The following TRIOBP variants were observed in gnomAD, a reference collection of about 807,000 sequenced individuals.
The protein encoded by TRIOBP is TRIO and F-actin-binding protein.
In TRIOBP, 169 loss-of-function variants were observed where a neutral mutation model predicts 238.8. The ratio of observed to expected loss-of-function variants is 0.71; its 90% CI spans 0.62 to 0.80. The LOEUF (loss-of-function observed/expected upper bound fraction) is 0.80, where lower values mean the gene tolerates loss of function less well. TRIOBP is among the 30% of genes least tolerant of loss of function. The pLI, the probability that TRIOBP is intolerant of heterozygous loss-of-function variation, is 0.00. For missense variants in TRIOBP, 2,838 were observed against 3,122.6 expected (o/e 0.91, Z 2.17); for synonymous variants, 1,150 against 1,274.4 (o/e 0.90, Z 2.08).
chr22:37,729,697 G>A (rs575960199), intron 7 of TRIOBP, among the ~76,000 whole-genome samples: 125 of 152,110 alleles, frequency 8.2e-4, no homozygotes, highest in African/African-American at 2.8e-3. Context: ...GTTTTTACAC[G>A]ATCACTCCTA....
At chr22:37,719,004 G>T (rs9610838) in intron 6 of TRIOBP, among the ~76,000 whole-genome samples, 120,820 of 150,104 alleles carry the variant, frequency 0.8, 50,833 homozygotes, top group East Asian at 1. Context: ...CTGCCACCAC[G>T]CCCAGCTGAC....
chr22:37,738,520 C>T, intron 9 of TRIOBP, 122 bp from the exon 10 acceptor site: 1 of 899,592 alleles, frequency 1.1e-6, no homozygotes, highest in Non-Finnish European at 1.8e-6. Flanking sequence ...CATGGATCTA[C>T]TGATGCTGGA....
At chr22:37,713,555 G>A (rs899196987) in intron 5 of TRIOBP, 144 bp downstream of exon 5, 22 of 1,046,464 alleles carry the variant, frequency 2.1e-5, no homozygotes, top group South Asian at 5.3e-5. Flanking sequence ...CTGGCAGCTC[G>A]GGCCACCCCG....
chr22:37,720,055 G>T (rs1923750660), intron 6 of TRIOBP, among the ~76,000 whole-genome samples: 1 of 121,010 alleles, frequency 8.3e-6, no homozygotes, highest in Admixed American at 1.1e-4. Context: ...TGTTGCCCAG[G>T]CTGGAGTACA....
At chr22:37,706,161 A>G (rs145772004) in intron 3 of TRIOBP, among the ~76,000 whole-genome samples, 1 of 152,010 alleles carries the variant, frequency 6.6e-6, no homozygotes, top group Non-Finnish European at 1.5e-5. Context: ...CAGGCAGGGT[A>G]CTTGGGTTGG....
chr22:37,770,095 A>G (rs921696990), intron 21 of TRIOBP, among the ~76,000 whole-genome samples: 4 of 147,480 alleles, frequency 2.7e-5, no homozygotes, highest in Admixed American at 2.7e-4. Flanking sequence ...CCCAGGCTAC[A>G]GTGCAGTGGC....
At chr22:37,734,007 G>A (rs1467834955) in intron 8 of TRIOBP, among the ~76,000 whole-genome samples, 1 of 152,232 alleles carries the variant, frequency 6.6e-6, no homozygotes, top group Admixed American at 6.5e-5. Context: ...AAGCCTTGAA[G>A]CAAGAATCTG....
chr22:37,746,078 C>T (rs1925230296), intron 11 of TRIOBP: 2 of 670,924 alleles, frequency 3.0e-6, no homozygotes, highest in Non-Finnish European at 3.7e-6. Flanking sequence ...CCCCGCCGCC[C>T]TAGCGCGCCC....
At chr22:37,718,119 A>G (rs2145826957) in intron 6 of TRIOBP, among the ~76,000 whole-genome samples, 1 of 152,240 alleles carries the variant, frequency 6.6e-6, no homozygotes, top group Non-Finnish European at 1.5e-5. Context: ...CGGCAGGGCC[A>G]GCCGGCCGCT....
chr22:37,729,583 GTTAA>G (rs1307802798), intron 7 of TRIOBP, among the ~76,000 whole-genome samples: 2 of 152,134 alleles, frequency 1.3e-5, no homozygotes, highest in Non-Finnish European at 2.9e-5. Context: ...TTAAGCCAAA[GTTAA>G]TTAATTTTCT....
rs1001245751 is a variant in TRIOBP, at chr22:37,746,196, G to C, written c.5322+5164G>C. The C allele has an allele frequency of 4.9e-6, 5 of 1,029,482 alleles. No homozygotes were observed. In the East Asian group the frequency reaches 2.3e-4, roughly 47 times the overall value. The allele number at this position is 1,029,482 out of a possible 1,614,324, so 63.8% of individuals were successfully genotyped here. ...TTCCCCGCCACCCATTGGCCCGCTC[G>C]GGTCCTCCCAGGAAGTTTGAAAAAA... On this transcript the variant is annotated intron_variant, in intron 11 of 23. Transcript: ENST00000644935.
intron 5 of TRIOBP, among the ~76,000 whole-genome samples, chr22:37,714,467 G>A (rs1023952703): frequency 3.3e-5 from 5 of 152,160 alleles, no homozygotes; most frequent in Admixed American, 6.6e-5. Flanking sequence ...TCAGGAGATC[G>A]AGACCAGCCT....
intron 17 of TRIOBP, chr22:37,759,637 CTGAACACAGGGAA>C (rs1295417994): frequency 2.0e-6 from 3 of 1,535,322 alleles, no homozygotes; most frequent in Non-Finnish European, 2.6e-6. Flanking sequence ...GAGTCACTCC[CTGAACACAGGGAA>C]ATCCTGCCGA....
intron 11 of TRIOBP, 68 bp from the exon 12 acceptor site, chr22:37,751,704 G>A (rs1056859744): frequency 3.2e-6 from 5 of 1,564,312 alleles, no homozygotes; most frequent in African/African-American, 2.7e-5. Flanking sequence ...GGTGCAGCAC[G>A]CTCCCCTCAC....
chr22:37,738,667 C>G lies in TRIOBP; in HGVS notation c.5132C>G (p.Ser1711Ter). 6.2e-7 allele frequency: 1 copy of G among 1,613,820 alleles called. No individual in the cohort carries two copies. The highest frequency in any genetic ancestry group is 8.5e-7 in the Non-Finnish European group (1 of 1,179,944). Residue 1711 changes from serine (S) to a stop codon, truncating the protein, a stop_gained, in exon 10 of 24, where the codon TCA becomes TGA. Coordinates refer to ENST00000644935, the MANE Select transcript of TRIOBP (RefSeq NM_001039141.3). LOFTEE classifies it high-confidence loss of function. The stretch of plus-strand genomic sequence containing the variant: ...TTCCAACCAGAGGAGCCTGAGGAGT[C>G]AGAACCAAGCAGAGGCCAAGACCCC... ...LQFQPEEPEE[S>*]EPSRGQDPLT...
chr22:37,740,887 T>A lies in TRIOBP; in HGVS notation c.5185-8T>A. 6.4e-7 allele frequency: 1 copy of A among 1,569,210 alleles called. No individual in the cohort carries two copies. The highest frequency in any genetic ancestry group is 1.3e-5 in the African/African-American group (1 of 74,500). The stretch of plus-strand genomic sequence containing the variant: ...GACCTGGGGCCAACACTGGACCCTG[T>A]TTGACAGGCAGACAAGAGGCCAGCA... On this transcript the variant is annotated splice_region_variant and splice_polypyrimidine_tract_variant and intron_variant, in intron 10 of 23. Transcript: ENST00000644935.
chr22:37,772,723 C>G lies in TRIOBP; in HGVS notation c.7059C>G (p.Leu2353=), dbSNP rs762102498. The G allele has an allele frequency of 1.6e-5, 26 of 1,614,038 alleles. No individual in the cohort carries two copies. Among genetic ancestry groups the G allele is most frequent in the Middle Eastern group, 3.3e-4 (2 of 6,062 alleles). ...KEHLRLAMAA[L]QEKESMRNSL... ...ACCTGCGTCTTGCCATGGCCGCCCTCCAGGAGAAGGAGTCGATGCGCAACA... is the reference window on the plus strand; with the variant it reads ...ACCTGCGTCTTGCCATGGCCGCCCTGCAGGAGAAGGAGTCGATGCGCAACA... The change falls in exon 23 of 24, where the codon CTC becomes CTG. Residue 2353 remains leucine, a synonymous_variant. Transcript: ENST00000644935.
chr22:37,738,129 T>C (rs4821702), intron 9 of TRIOBP, among the ~76,000 whole-genome samples: 146,555 of 152,328 alleles, frequency 0.96, 70,526 homozygotes, highest in East Asian at 1. Context: ...AATGTGTGAA[T>C]GGATGATGGA....
rs774878816 is a variant in TRIOBP, at chr22:37,754,887, C to G, written c.5390C>G (p.Pro1797Arg). ...ILDEPGEPPS[P>R]SLTTTSTSQW... Reference sequence around the variant, plus strand: ...CCATCCTCCTTGCAGCCTCCCTCCCCCTCGCTCACCACCACCTCTACTTCG... The same window carrying G: ...CCATCCTCCTTGCAGCCTCCCTCCCGCTCGCTCACCACCACCTCTACTTCG... Residue 1797 changes from proline to arginine, a missense_variant, in exon 13 of 24, where the codon CCC (proline) becomes CGC (arginine). Around this residue, in one of 5 missense-constraint regions of TRIOBP, gnomAD observed 2,096 missense variants for 2,137.4 expected, o/e 0.98. Transcript: ENST00000644935. The G allele has an allele frequency of 1.9e-6, 3 of 1,614,146 alleles. No homozygotes were observed. The highest frequency in any genetic ancestry group is 4.5e-5 in the East Asian group (2 of 44,880).
Sources: allele counts gnomAD v4.1 joint callset (sites outside exome capture counted in the v4.1 genomes callset), GRCh38; gene constraint gnomAD v4.1.1; regional missense constraint gnomAD v4.1.1; transcripts MANE v1.5; gene names NCBI Gene and HGNC (gene_info 2026-07-23, HGNC 2026-07-21).